Variants in GPM6B observed in about 807,000 individuals in gnomAD.
The protein encoded by GPM6B is glycoprotein M6B, also known as neuronal membrane glycoprotein M6-b.
A neutral mutation model predicts 27.2 loss-of-function variants in GPM6B; 4 were observed. That is an observed-to-expected ratio of 0.15 (90% confidence interval 0.07 to 0.34). GPM6B has a LOEUF of 0.34. Among genes scored for constraint, GPM6B ranks in the 10% least tolerant of loss-of-function variants. The probability of loss-of-function intolerance (pLI) is 1.00; values close to 1 mark genes in which losing one functional copy is unlikely to be tolerated. For synonymous variants in GPM6B, 124 were observed against 103.1 expected (o/e 1.20, Z -1.23); for missense variants, 183 against 261.9 (o/e 0.70, Z 2.08).
intron 7 of GPM6B, chrX:13,773,805 G>C (rs981218657): frequency 5.8e-6 from 1 of 171,600 alleles, no homozygotes; most frequent in African/African-American, 3.2e-5. Flanking sequence ...TTCTCTTCCC[G>C]TTAAAATCTT....
intron 1 of GPM6B, among the ~76,000 whole-genome samples, chrX:13,865,541 T>TAAAAAAAAAAAAAAAAAA (rs1569271152): frequency 9.6e-4 from 3 of 3,115 alleles, no homozygotes; most frequent in African/African-American, 1.4e-3. Context: ...ATCCATCTCT[T>TAAAAAAAAAAAAAAAAAA]CAAAAAAAAA....
chrX:13,782,740 A>C (rs1569190170), intron 4 of GPM6B, among the ~76,000 whole-genome samples: 2 of 95,504 alleles, frequency 2.1e-5, no homozygotes, highest in South Asian at 1.1e-3. Context: ...CCTTGGAGAC[A>C]GAGTGATGCT....
chrX:13,778,844 C>T (rs187002074), intron 5 of GPM6B, among the ~76,000 whole-genome samples: 2 of 112,196 alleles, frequency 1.8e-5, no homozygotes, highest in Non-Finnish European at 3.8e-5. Context: ...CAGTGTTGTT[C>T]AGCCTTGGTC....
intron 1 of GPM6B, among the ~76,000 whole-genome samples, chrX:13,928,598 A>T (rs181940692): frequency 2.5e-3 from 279 of 112,685 alleles, no homozygotes; most frequent in Non-Finnish European, 4.4e-3. Flanking sequence ...ACATTATCTT[A>T]AGAGCTTGAC....
At chrX:13,873,419 C>T (rs935109687) in intron 1 of GPM6B, among the ~76,000 whole-genome samples, 7 of 111,339 alleles carry the variant, frequency 6.3e-5, no homozygotes, top group Non-Finnish European at 1.3e-4. Context: ...CTCCATGTCT[C>T]TGTTTCCCGA....
chrX:13,782,777 A>AG (rs1349664128), intron 4 of GPM6B, among the ~76,000 whole-genome samples: 7 of 108,668 alleles, frequency 6.4e-5, no homozygotes, highest in Middle Eastern at 4.2e-3. Flanking sequence ...AAAAAAAGAA[A>AG]AAAAAAAAAA....
chrX:13,823,293 CA>C (rs758150339), intron 1 of GPM6B, among the ~76,000 whole-genome samples: 2 of 112,101 alleles, frequency 1.8e-5, no homozygotes, highest in Admixed American at 9.4e-5. Context: ...AGGTGGAGCC[CA>C]GGCAGGTCAC....
At chrX:13,900,944 G>T (rs2050276745) in intron 1 of GPM6B, among the ~76,000 whole-genome samples, 1 of 111,901 alleles carries the variant, frequency 8.9e-6, no homozygotes, top group African/African-American at 3.3e-5. Flanking sequence ...GGAGGAAGCT[G>T]CAGAGATGGT....
intron 1 of GPM6B, among the ~76,000 whole-genome samples, chrX:13,875,588 T>G (rs1427992200): frequency 8.9e-6 from 1 of 112,045 alleles, no homozygotes; most frequent in Non-Finnish European, 1.9e-5. Context: ...ACAGGAGCAC[T>G]CTTCACAATA....
chrX:13,884,870 T>C (rs951479647), intron 1 of GPM6B, among the ~76,000 whole-genome samples: 3 of 112,069 alleles, frequency 2.7e-5, no homozygotes, highest in Non-Finnish European at 5.6e-5. Flanking sequence ...CTAGCTTGTG[T>C]AAGTATTTGA....
intron 1 of GPM6B, among the ~76,000 whole-genome samples, chrX:13,924,230 CCTT>C (rs1329531461): frequency 2.7e-5 from 3 of 112,399 alleles, no homozygotes; most frequent in Non-Finnish European, 5.6e-5. Flanking sequence ...ACTTAACCAT[CCTT>C]CTATTACAAG....
chrX:13,784,030 G>T, intron 3 of GPM6B: 1 of 237,528 alleles, frequency 4.2e-6, no homozygotes, highest in South Asian at 4.4e-5. Flanking sequence ...CTGGGGAGAT[G>T]TCTTTTGCAC....
rs752984772 is a variant in GPM6B, at chrX:13,816,935, TCCC to T, written c.-34_-32del. ...CCACCAAAAATGCTTTTCCCCCTGT[TCCC>T]CCCAACACACACTTGTTTTTCCTCC... is the stretch of plus-strand genomic sequence containing the variant. On this transcript the variant is annotated 5_prime_UTR_variant, in exon 1 of 8. Coordinates refer to ENST00000316715, the MANE Select transcript of GPM6B (RefSeq NM_001001995.3). 2 of 1,184,058 alleles carry T rather than the reference TCCC, an allele frequency of 1.7e-6. No homozygotes were observed. The highest frequency in any genetic ancestry group is 2.4e-5 in the Admixed American group (1 of 41,739).
At chrX:13,848,036 C>T (rs1182898919) in intron 1 of GPM6B, among the ~76,000 whole-genome samples, 1 of 111,842 alleles carries the variant, frequency 8.9e-6, no homozygotes, top group East Asian at 2.8e-4. Context: ...TACTGATACC[C>T]CCAGCTGCTG....
At chrX:13,891,358 T>C (rs980764502) in intron 1 of GPM6B, among the ~76,000 whole-genome samples, 1 of 111,268 alleles carries the variant, frequency 9.0e-6, no homozygotes, top group East Asian at 2.8e-4. Context: ...TAAAAAATAG[T>C]GCTTTCGGAG....
intron 1 of GPM6B, among the ~76,000 whole-genome samples, chrX:13,877,279 T>G (rs763836522): frequency 2.0e-4 from 22 of 111,684 alleles, no homozygotes; most frequent in Admixed American, 1.0e-3. Flanking sequence ...CTCTAAAATG[T>G]AAATTATGTT....
At chrX:13,867,636 G>A (rs1283366456) in intron 1 of GPM6B, among the ~76,000 whole-genome samples, 2 of 111,762 alleles carry the variant, frequency 1.8e-5, no homozygotes, top group African/African-American at 3.2e-5. Context: ...CAAGTCTGCA[G>A]GTAACATGAA....
At chrX:13,841,225 G>A (rs2049570702) in intron 1 of GPM6B, among the ~76,000 whole-genome samples, 1 of 111,660 alleles carries the variant, frequency 9.0e-6, no homozygotes, top group Admixed American at 9.5e-5. Context: ...ATGATAAGTT[G>A]AGTTCATCTT....
chrX:13,910,332 G>A (rs761426882), intron 1 of GPM6B, among the ~76,000 whole-genome samples: 5 of 112,538 alleles, frequency 4.4e-5, no homozygotes, highest in Non-Finnish European at 7.5e-5. Context: ...GCCAGGCATC[G>A]GCATTTTTAA....
Sources: gnomAD v4.1 joint callset for allele counts (sites outside exome capture counted in the v4.1 genomes callset) on GRCh38, gnomAD v4.1.1 for gene constraint, MANE v1.5 for transcripts, NCBI Gene and HGNC (gene_info 2026-07-23, HGNC 2026-07-21) for gene names.